MRTFA: variants seen among roughly 807,000 people sequenced by gnomAD.
MRTFA encodes myocardin related transcription factor A.
Under a neutral mutation model 83.5 loss-of-function variants are expected in MRTFA, and 20 were observed. That is an observed-to-expected ratio of 0.24 (90% CI 0.17 to 0.35). The LOEUF is 0.35. MRTFA is among the 10% of genes least tolerant of loss of function. MRTFA has a pLI of 1.00. For missense variants in MRTFA, 1,200 were observed against 1,224.7 expected, an observed-to-expected ratio of 0.98 and a Z score of 0.30; for synonymous variants, 659 against 541.2, an observed-to-expected ratio of 1.22 and a Z score of -3.02.
chr22:40,459,822 C>CACAT (rs1308675939), intron 4 of MRTFA, among the ~76,000 whole-genome samples: 6 of 68,242 alleles, frequency 8.8e-5, no homozygotes, highest in Admixed American at 3.0e-4. Context: ...CACACACACA[C>CACAT]ATATATACAT....
At chr22:40,495,850 G>T (rs113641588) in intron 3 of MRTFA, among the ~76,000 whole-genome samples, 17 of 150,930 alleles carry the variant, frequency 1.1e-4, no homozygotes, top group Non-Finnish European at 2.1e-4. Flanking sequence ...GGCGAATCAC[G>T]AAGTCAGGAA....
chr22:40,432,334 T>C (rs535864464), intron 5 of MRTFA, among the ~76,000 whole-genome samples: 2 of 152,286 alleles, frequency 1.3e-5, no homozygotes, highest in African/African-American at 4.8e-5. Flanking sequence ...TCCATTCATT[T>C]TGAATGGCTG....
intron 3 of MRTFA, among the ~76,000 whole-genome samples, chr22:40,517,861 C>T (rs942300661): frequency 6.6e-6 from 1 of 152,092 alleles, no homozygotes; most frequent in African/African-American, 2.4e-5. Flanking sequence ...TGCAGCCCCA[C>T]CATACTCTGA....
intron 3 of MRTFA, among the ~76,000 whole-genome samples, chr22:40,506,854 G>GCA (rs2054588656): frequency 6.6e-6 from 1 of 152,162 alleles, no homozygotes; most frequent in Non-Finnish European, 1.5e-5. Flanking sequence ...CTAGCTACCA[G>GCA]CAAGCACATG....
At chr22:40,412,890 C>G (rs2052589259) in intron 14 of MRTFA, 1 of 152,188 alleles carries the variant, frequency 6.6e-6, no homozygotes, top group Non-Finnish European at 1.5e-5. Context: ...AATCCCAGCA[C>G]TTTGGGAGGC....
chr22:40,478,323 T>C (rs1405293350), intron 3 of MRTFA, among the ~76,000 whole-genome samples: 3 of 152,168 alleles, frequency 2.0e-5, no homozygotes, highest in East Asian at 3.8e-4. Context: ...TTAACAGTAA[T>C]GTACTAATGT....
intron 4 of MRTFA, among the ~76,000 whole-genome samples, chr22:40,444,744 G>C (rs1308064258): frequency 6.6e-6 from 1 of 151,936 alleles, no homozygotes; most frequent in African/African-American, 2.4e-5. Context: ...CAGGGGAGTT[G>C]CTTCTGACTT....
chr22:40,540,574 G>T (rs1400087253), intron 3 of MRTFA, among the ~76,000 whole-genome samples: 1 of 151,898 alleles, frequency 6.6e-6, no homozygotes, highest in Non-Finnish European at 1.5e-5. Context: ...TGGATCAGGG[G>T]TTCGAGACCA....
rs201694198 is a variant in MRTFA at position 40,538,985 on chromosome 22, C to CTTTTT, written c.241+13120_241+13121insAAAAA. On this transcript the variant is annotated intron_variant, in intron 3 of 14. Transcript: ENST00000355630. ...GACATTATACTGCAGGATACACAGC[C>CTTTTT]TTTTGTTTTTTTTTTTTTTTTTTTT... is the stretch of plus-strand genomic sequence containing the variant. 5.1e-4 allele frequency among the ~76,000 whole-genome samples: 55 copies of CTTTTT among 106,944 alleles called. 9 individuals carry two copies. Among genetic ancestry groups the CTTTTT allele is most frequent in the African/African-American group, 7.6e-4 (20 of 26,304 alleles). The allele number at this position is 106,944 out of a possible 152,430, so 70.2% of individuals were successfully genotyped here.
intron 3 of MRTFA, among the ~76,000 whole-genome samples, chr22:40,542,514 A>G (rs2055307739): frequency 6.6e-6 from 1 of 152,174 alleles, no homozygotes; most frequent in African/African-American, 2.4e-5. Flanking sequence ...TCTCTCCAAT[A>G]CTTAGCACAC....
At position 40,631,711 on chromosome 22, in the gene MRTFA, T is replaced by C. The variant is rs138957610; in HGVS notation, c.-84+4767A>G. Among the ~76,000 whole-genome samples the C allele has an allele frequency of 2.6e-3, 402 of 152,370 alleles. 3 individuals carry two copies. Among genetic ancestry groups the C allele is most frequent in the African/African-American group, 9.2e-3 (384 of 41,586 alleles). ...GGCCTAAATTACTTAAAACATTTCA[T>C]GTGAACCTAATTTAGTGTCTACCTC... On this transcript the variant is annotated intron_variant, in intron 1 of 14. Coordinates refer to ENST00000355630, the MANE Select transcript of MRTFA (RefSeq NM_020831.6).
At chr22:40,434,150 G>A (rs2053122265) in intron 5 of MRTFA, among the ~76,000 whole-genome samples, 1 of 152,126 alleles carries the variant, frequency 6.6e-6, no homozygotes, top group South Asian at 2.1e-4. Context: ...AGCTCTGCTG[G>A]TCCCTGCCTA....
intron 4 of MRTFA, among the ~76,000 whole-genome samples, chr22:40,459,830 C>CATATATACAT (rs1555973837): frequency 3.5e-5 from 3 of 86,952 alleles, no homozygotes; most frequent in African/African-American, 9.8e-5. Flanking sequence ...CACATATATA[C>CATATATACAT]ATATATATAT....
intron 3 of MRTFA, chr22:40,533,449 G>A (rs1437787353): frequency 4.7e-6 from 2 of 426,990 alleles, no homozygotes; most frequent in Non-Finnish European, 7.9e-6. Context: ...ATAAAAAACT[G>A]AAAATGCAGT....
At chr22:40,445,867 C>T (rs1471858428) in intron 4 of MRTFA, among the ~76,000 whole-genome samples, 1 of 152,182 alleles carries the variant, frequency 6.6e-6, no homozygotes, top group African/African-American at 2.4e-5. Context: ...AATCAAGAAT[C>T]ATGCACTGCA....
At chr22:40,636,425 G>A (rs1003199559) in intron 1 of MRTFA, 53 bp downstream of exon 1, 7 of 152,366 alleles carry the variant, frequency 4.6e-5, no homozygotes, top group Non-Finnish European at 8.8e-5. Flanking sequence ...GGATGCTCCA[G>A]GCGGGGCGAG....
At chr22:40,557,508 C>T (rs2055541411) in intron 2 of MRTFA, among the ~76,000 whole-genome samples, 1 of 152,170 alleles carries the variant, frequency 6.6e-6, no homozygotes, top group Non-Finnish European at 1.5e-5. Flanking sequence ...CAGTGGCTCA[C>T]TCCTCTAATC....
chr22:40,412,091 G>T, intron 14 of MRTFA, 184 bp from the exon 15 acceptor site: 2 of 462,124 alleles, frequency 4.3e-6, no homozygotes, highest in Non-Finnish European at 7.1e-6. Flanking sequence ...TCACATATTT[G>T]ATAAAGAAGT....
At chr22:40,515,036 G>A (rs1487746906) in intron 3 of MRTFA, among the ~76,000 whole-genome samples, 1 of 151,248 alleles carries the variant, frequency 6.6e-6, no homozygotes, top group Non-Finnish European at 1.5e-5. Context: ...AGCCTCCCAA[G>A]TAGCTGGGAC....
Sources: gnomAD v4.1 joint callset for allele counts (sites outside exome capture counted in the v4.1 genomes callset) on GRCh38, gnomAD v4.1.1 for gene constraint, MANE v1.5 for transcripts, NCBI Gene and HGNC (gene_info 2026-07-23, HGNC 2026-07-21) for gene names.